The following DACH1 variants were observed in gnomAD, a reference collection of about 807,000 sequenced individuals.
DACH1 encodes the protein dachshund homolog 1.
Under a neutral mutation model 54.2 loss-of-function variants are expected in DACH1, and 12 were observed. The ratio of observed to expected loss-of-function variants is 0.22; its 90% CI spans 0.14 to 0.36. DACH1 has a LOEUF of 0.36. Among genes scored for constraint, DACH1 ranks in the 10% least tolerant of loss-of-function variants. The pLI, the probability that DACH1 is intolerant of heterozygous loss-of-function variation, is 1.00. For missense variants in DACH1, 805 were observed against 929.8 expected, an observed-to-expected ratio of 0.87 and a Z score of 1.75; for synonymous variants, 386 against 366.2, an observed-to-expected ratio of 1.05 and a Z score of -0.62.
chr13:71,826,322 C>T (rs1888377847), intron 1 of DACH1, among the ~76,000 whole-genome samples: 1 of 152,014 alleles, frequency 6.6e-6, no homozygotes, highest in African/African-American at 2.4e-5. Context: ...AAAGAAACTT[C>T]CTTTGATCTA....
chr13:71,460,578 G>A (rs541378757), intron 10 of DACH1, among the ~76,000 whole-genome samples: 39 of 151,940 alleles, frequency 2.6e-4, no homozygotes, highest in Non-Finnish European at 4.7e-4. Context: ...TGACACGGTT[G>A]TCTTGTTGGG....
At chr13:71,487,546 A>G (rs1878640280) in intron 7 of DACH1, among the ~76,000 whole-genome samples, 1 of 152,202 alleles carries the variant, frequency 6.6e-6, no homozygotes, top group Non-Finnish European at 1.5e-5. Context: ...TTTGAAATGT[A>G]GTGGTCATAT....
intron 10 of DACH1, among the ~76,000 whole-genome samples, chr13:71,474,217 A>G (rs945174967): frequency 6.6e-6 from 1 of 152,150 alleles, no homozygotes; most frequent in Non-Finnish European, 1.5e-5. Flanking sequence ...CTTCTTGCAC[A>G]TATGATAGTT....
intron 4 of DACH1, among the ~76,000 whole-genome samples, chr13:71,570,435 T>C (rs1488985714): frequency 2.0e-5 from 3 of 152,188 alleles, no homozygotes; most frequent in Non-Finnish European, 2.9e-5. Context: ...CCAATTGAAC[T>C]TCACTTTGAT....
intron 3 of DACH1, among the ~76,000 whole-genome samples, chr13:71,586,653 A>T (rs748199558): frequency 7.9e-5 from 12 of 152,036 alleles, no homozygotes; most frequent in Non-Finnish European, 1.6e-4. Flanking sequence ...TTTCCAAAAG[A>T]TACCACAATA....
At chr13:71,649,835 C>T (rs925009341) in intron 2 of DACH1, among the ~76,000 whole-genome samples, 7 of 152,136 alleles carry the variant, frequency 4.6e-5, no homozygotes, top group Non-Finnish European at 1.0e-4. Flanking sequence ...ACGAGCAACA[C>T]GGATCTCACA....
chr13:71,524,520 T>C (rs1400696436), intron 6 of DACH1, among the ~76,000 whole-genome samples: 3 of 152,130 alleles, frequency 2.0e-5, no homozygotes, highest in Non-Finnish European at 4.4e-5. Flanking sequence ...AGAGCCTAAG[T>C]TAAATAAGGA....
chr13:71,557,290 A>G, intron 5 of DACH1, 132 bp from the exon 6 acceptor site: 1 of 602,884 alleles, frequency 1.7e-6, no homozygotes, highest in Non-Finnish European at 2.5e-6. Context: ...CTACCTTTAA[A>G]TTTATAATCT....
chr13:71,499,748 T>A (rs545329339), intron 6 of DACH1, among the ~76,000 whole-genome samples: 1 of 152,212 alleles, frequency 6.6e-6, no homozygotes, highest in Non-Finnish European at 1.5e-5. Context: ...CTGTGTACTT[T>A]AATAATCTAC....
chr13:71,662,331 G>T (rs1299901555), intron 2 of DACH1, among the ~76,000 whole-genome samples: 1 of 151,874 alleles, frequency 6.6e-6, no homozygotes, highest in African/African-American at 2.4e-5. Flanking sequence ...TAAAAATCAC[G>T]ATCAAAATAT....
chr13:71,480,964 T>C (rs1877978664), intron 7 of DACH1, among the ~76,000 whole-genome samples: 1 of 152,180 alleles, frequency 6.6e-6, no homozygotes, highest in Non-Finnish European at 1.5e-5. Context: ...CTCTTTTGTT[T>C]AACAGTAAAA....
At chr13:71,767,384 T>C (rs1594196626) in intron 1 of DACH1, among the ~76,000 whole-genome samples, 1 of 152,046 alleles carries the variant, frequency 6.6e-6, no homozygotes, top group East Asian at 1.9e-4. Flanking sequence ...TATCTAAGAA[T>C]ATAAAGAGAA....
intron 2 of DACH1, among the ~76,000 whole-genome samples, chr13:71,656,334 C>CTATT (rs901804830): frequency 1.3e-5 from 2 of 152,060 alleles, no homozygotes; most frequent in Admixed American, 6.6e-5. Context: ...CTCTCAGCTT[C>CTATT]TATTTATTTA....
intron 6 of DACH1, among the ~76,000 whole-genome samples, chr13:71,547,053 G>A (rs1217533859): frequency 6.6e-6 from 1 of 151,946 alleles, no homozygotes; most frequent in Non-Finnish European, 1.5e-5. Flanking sequence ...AAATTGTGCT[G>A]ACTGCTCGCC....
At chr13:71,598,655 T>C (rs969820771) in intron 3 of DACH1, among the ~76,000 whole-genome samples, 2 of 152,358 alleles carry the variant, frequency 1.3e-5, no homozygotes, top group South Asian at 2.1e-4. Flanking sequence ...TAATGCCCAA[T>C]TGGGCCATGA....
At chr13:71,745,443 T>C (rs979580896) in intron 1 of DACH1, among the ~76,000 whole-genome samples, 5 of 152,246 alleles carry the variant, frequency 3.3e-5, no homozygotes, top group African/African-American at 9.6e-5. Flanking sequence ...TTGGTGAATA[T>C]GCAAATTGCA....
intron 1 of DACH1, among the ~76,000 whole-genome samples, chr13:71,763,569 C>T (rs1885491252): frequency 1.3e-5 from 2 of 151,042 alleles, no homozygotes; most frequent in African/African-American, 2.4e-5. Context: ...TGCTGTATTG[C>T]CCAGGCTAAA....
chr13:71,444,427 G>A (rs746000793), intron 10 of DACH1, among the ~76,000 whole-genome samples: 2 of 151,576 alleles, frequency 1.3e-5, no homozygotes, highest in Admixed American at 6.6e-5. Flanking sequence ...TAAAAAATAC[G>A]CAATGTTTCC....
chr13:71,835,260 G>T (rs557435291), intron 1 of DACH1, among the ~76,000 whole-genome samples: 1 of 151,980 alleles, frequency 6.6e-6, no homozygotes, highest in African/African-American at 2.4e-5. Context: ...GCAAATAAAG[G>T]CTTGTTTACT....
Sources: gnomAD v4.1 joint callset for allele counts (sites outside exome capture counted in the v4.1 genomes callset) on GRCh38, gnomAD v4.1.1 for gene constraint, MANE v1.5 for transcripts, NCBI Gene and HGNC (gene_info 2026-07-23, HGNC 2026-07-21) for gene names.